NELL1: variants seen among roughly 807,000 people sequenced by gnomAD.
The protein encoded by NELL1 is protein kinase C-binding protein NELL1.
A neutral mutation model predicts 107.4 loss-of-function variants in NELL1; 76 were observed. That is an observed-to-expected ratio of 0.71 (90% CI 0.59 to 0.86). NELL1 has a LOEUF of 0.86. Among genes scored for constraint, NELL1 ranks in the 40% least tolerant of loss-of-function variants. The pLI, the probability that NELL1 is intolerant of heterozygous loss-of-function variation, is 0.00. For missense variants in NELL1, 1,024 were observed against 1,005.5 expected (o/e 1.02, Z -0.25); for synonymous variants, 353 against 341.2 (o/e 1.03, Z -0.38).
intron 2 of NELL1, among the ~76,000 whole-genome samples, chr11:20,688,779 A>C (rs2133863085): frequency 6.6e-6 from 1 of 152,232 alleles, no homozygotes; most frequent in South Asian, 2.1e-4. Context: ...ATTGTGAGTC[A>C]ATGGTGGTTC....
intron 16 of NELL1, among the ~76,000 whole-genome samples, chr11:21,546,973 G>T (rs1290257348): frequency 6.6e-6 from 1 of 151,952 alleles, no homozygotes; most frequent in Non-Finnish European, 1.5e-5. Context: ...TCTGGTCAGT[G>T]TTAGTTCCTG....
intron 14 of NELL1, among the ~76,000 whole-genome samples, chr11:21,250,736 A>T (rs1372722224): frequency 6.6e-6 from 1 of 152,220 alleles, no homozygotes; most frequent in Non-Finnish European, 1.5e-5. Context: ...GTTGGGAATA[A>T]AGAGAAATAA....
intron 16 of NELL1, among the ~76,000 whole-genome samples, chr11:21,548,021 C>T (rs776441155): frequency 2.6e-5 from 4 of 151,704 alleles, no homozygotes; most frequent in Non-Finnish European, 5.9e-5. Context: ...GGATCATTTT[C>T]CTGCTAAAAA....
intron 12 of NELL1, among the ~76,000 whole-genome samples, chr11:21,080,766 C>G (rs1201008145): frequency 1.3e-5 from 2 of 151,942 alleles, no homozygotes; most frequent in African/African-American, 4.8e-5. Context: ...TTCCAACTTG[C>G]CTTCCAAAGA....
intron 2 of NELL1, among the ~76,000 whole-genome samples, chr11:20,765,971 A>G (rs1354867559): frequency 6.6e-6 from 1 of 152,130 alleles, no homozygotes; most frequent in Middle Eastern, 3.2e-3. Context: ...TAATAACTCC[A>G]TATTTTAGGA....
intron 12 of NELL1, among the ~76,000 whole-genome samples, chr11:21,065,547 A>G (rs988084413): frequency 6.6e-6 from 1 of 152,176 alleles, no homozygotes. Context: ...ACCCTTGATA[A>G]TGGATTCTCT....
intron 14 of NELL1, among the ~76,000 whole-genome samples, chr11:21,327,211 G>T (rs1850165950): frequency 8.4e-6 from 1 of 119,618 alleles, no homozygotes; most frequent in African/African-American, 3.2e-5. Context: ...GTAGGAAGGG[G>T]GGAGGGATAG....
intron 14 of NELL1, among the ~76,000 whole-genome samples, chr11:21,365,806 G>A (rs1851205772): frequency 6.6e-6 from 1 of 151,272 alleles, no homozygotes; most frequent in African/African-American, 2.4e-5. Flanking sequence ...AAACTATTTT[G>A]GGGGAGAGGT....
rs144315921 is a variant in NELL1 at position 21,287,219 on chromosome 11, T to C, written c.1549+57765T>C. Among the ~76,000 whole-genome samples the C allele has an allele frequency of 3.7e-3, 558 of 152,324 alleles. 4 individuals are homozygous for C. Among genetic ancestry groups the C allele is most frequent in the African/African-American group, 0.013 (533 of 41,580 alleles). On this transcript the variant is annotated intron_variant, in intron 14 of 19. Transcript: ENST00000357134. ...CTAGCTCCTTTTTATTTCTTGAATCTGGCAACCCCTCTTTTTTTTCACCAA... is the reference window on the plus strand; with the variant it reads ...CTAGCTCCTTTTTATTTCTTGAATCCGGCAACCCCTCTTTTTTTTCACCAA...
At chr11:20,870,335 G>A (rs532396331) in intron 4 of NELL1, among the ~76,000 whole-genome samples, 5 of 151,536 alleles carry the variant, frequency 3.3e-5, no homozygotes, top group East Asian at 1.9e-4. Flanking sequence ...TTCCTTCTTC[G>A]AATTCTCTCA....
intron 12 of NELL1, among the ~76,000 whole-genome samples, chr11:21,064,862 A>G (rs936818892): frequency 5.9e-5 from 9 of 152,198 alleles, no homozygotes; most frequent in East Asian, 3.9e-4. Context: ...AAATTATTTG[A>G]CCTGGATTAC....
chr11:21,235,520 G>A (rs916044492), intron 14 of NELL1, among the ~76,000 whole-genome samples: 4 of 152,076 alleles, frequency 2.6e-5, no homozygotes, highest in Admixed American at 2.0e-4. Context: ...CTGATGGAGC[G>A]GGGAGGTATA....
intron 12 of NELL1, among the ~76,000 whole-genome samples, chr11:21,035,874 G>T (rs775279875): frequency 6.3e-4 from 96 of 152,268 alleles, no homozygotes; most frequent in Non-Finnish European, 8.7e-4. Flanking sequence ...AGTATTGGAA[G>T]TCTTGGCCAG....
intron 5 of NELL1, among the ~76,000 whole-genome samples, chr11:20,896,465 C>T (rs1381122208): frequency 6.6e-6 from 1 of 152,090 alleles, no homozygotes; most frequent in Non-Finnish European, 1.5e-5. Context: ...CATATAATGA[C>T]TTCTTTTCTT....
chr11:21,237,629 C>T (rs1039871722), intron 14 of NELL1, among the ~76,000 whole-genome samples: 5 of 152,190 alleles, frequency 3.3e-5, no homozygotes, highest in Middle Eastern at 3.4e-3. Flanking sequence ...GGGCCAGGCA[C>T]TATGCTAGGC....
chr11:21,115,109 A>G (rs1463483174), intron 13 of NELL1, among the ~76,000 whole-genome samples: 1 of 152,000 alleles, frequency 6.6e-6, no homozygotes, highest in Non-Finnish European at 1.5e-5. Flanking sequence ...AAGAGCTGGC[A>G]CTTGTCGAAT....
intron 12 of NELL1, among the ~76,000 whole-genome samples, chr11:21,067,897 G>A (rs1853914721): frequency 6.6e-6 from 1 of 151,572 alleles, no homozygotes. Flanking sequence ...GCCGGGTGTG[G>A]TGGCACACAC....
intron 14 of NELL1, among the ~76,000 whole-genome samples, chr11:21,369,561 G>A (rs1219907672): frequency 6.6e-6 from 1 of 151,834 alleles, no homozygotes; most frequent in Non-Finnish European, 1.5e-5. Context: ...GGGGTTCTAC[G>A]TATTTGGAAT....
At position 21,211,358 on chromosome 11, in the gene NELL1, T is replaced by C. The variant is rs77197660; in HGVS notation, c.1427-17974T>C. Among the ~76,000 whole-genome samples the C allele has an allele frequency of 2.2e-3, 339 of 152,274 alleles. 5 individuals are homozygous for C. Among genetic ancestry groups the C allele is most frequent in the African/African-American group, 8.0e-3 (332 of 41,586 alleles). ...CTTTTGAGGCAGGAGACAAAGCCAT[T>C]GTGCTTGCAGCTTAGCAGACAAGAA... On this transcript the variant is annotated intron_variant, in intron 13 of 19. Coordinates refer to ENST00000357134, the MANE Select transcript of NELL1 (RefSeq NM_006157.5).
Sources: allele counts gnomAD v4.1 joint callset (sites outside exome capture counted in the v4.1 genomes callset), GRCh38; gene constraint gnomAD v4.1.1; transcripts MANE v1.5; gene names NCBI Gene and HGNC (gene_info 2026-07-23, HGNC 2026-07-21).